Variants in TEX14 observed in about 807,000 individuals in gnomAD.
TEX14 encodes testis expressed 14, intercellular bridge forming factor, also known as inactive serine/threonine-protein kinase TEX14.
In TEX14, 168 loss-of-function variants were observed where a neutral mutation model predicts 178.6. The observed-to-expected ratio is 0.94, with a 90% CI of 0.83 to 1.07. The LOEUF is 1.07. Ranked by LOEUF, TEX14 falls within the 50% of genes least tolerant of loss-of-function variation. The probability of loss-of-function intolerance (pLI) is 0.00; values close to 1 mark genes in which losing one functional copy is unlikely to be tolerated. For missense variants in TEX14, 1,730 were observed against 1,753.6 expected, an observed-to-expected ratio of 0.99 and a Z score of 0.24; for synonymous variants, 626 against 634.1, an observed-to-expected ratio of 0.99 and a Z score of 0.19.
At chr17:58,685,617 G>A (rs942804401) in intron 1 of TEX14, among the ~76,000 whole-genome samples, 1 of 151,822 alleles carries the variant, frequency 6.6e-6, no homozygotes, top group East Asian at 1.9e-4. Context: ...AGAGGAAAAG[G>A]AAGAAGGTAA....
At chr17:58,572,234 A>G in intron 23 of TEX14, 108 bp from the exon 24 acceptor site, 1 of 691,192 alleles carries the variant, frequency 1.4e-6, no homozygotes, top group Non-Finnish European at 2.5e-6. Flanking sequence ...ATGTGCAGAA[A>G]TGAATCTTTT....
chr17:58,612,251 G>A (rs1248370780), intron 9 of TEX14, among the ~76,000 whole-genome samples: 1 of 152,166 alleles, frequency 6.6e-6, no homozygotes, highest in Non-Finnish European at 1.5e-5. Flanking sequence ...AGTCAAAGGT[G>A]TCTGTATTTT....
At chr17:58,613,653 GTTTTC>G (rs1199517356) in intron 8 of TEX14, 109 bp from the exon 9 acceptor site, 63 of 1,201,272 alleles carry the variant, frequency 5.2e-5, no homozygotes, top group African/African-American at 1.1e-4. Flanking sequence ...TGTATACGAT[GTTTTC>G]TTTTCTTTTC....
intron 19 of TEX14, among the ~76,000 whole-genome samples, chr17:58,581,201 C>T (rs2061995293): frequency 6.6e-6 from 1 of 152,006 alleles, no homozygotes; most frequent in East Asian, 1.9e-4. Context: ...ATTCCAGCTA[C>T]TCAGGAGGCT....
At chr17:58,584,412 A>AT (rs2044900974) in intron 19 of TEX14, 88 bp downstream of exon 19, 1 of 909,180 alleles carries the variant, frequency 1.1e-6, no homozygotes, top group Admixed American at 1.8e-5. Context: ...TATAGCTATT[A>AT]TTTTGGTGTC....
chr17:58,563,106 A>T (rs1317801457), intron 28 of TEX14, among the ~76,000 whole-genome samples: 2 of 151,620 alleles, frequency 1.3e-5, no homozygotes, highest in Non-Finnish European at 2.9e-5. Context: ...AATATTACTT[A>T]TTTTGACTAC....
chr17:58,593,983 C>T (rs2045219441), intron 14 of TEX14, among the ~76,000 whole-genome samples: 2 of 152,144 alleles, frequency 1.3e-5, no homozygotes, highest in Admixed American at 6.6e-5. Context: ...TACAGGCGCA[C>T]ACCACCACAC....
rs145100539 is a variant in TEX14, at chr17:58,658,162, A to G, written c.-1-6160T>C. ...AACTCAGTTCCTCGAATGCTCCACG[A>G]GACTGATTTGAGTAACAATAAAACT... On this transcript the variant is annotated intron_variant, in intron 1 of 31. Coordinates refer to ENST00000349033, the MANE Select transcript of TEX14 (RefSeq NM_031272.5). 3.4e-3 allele frequency among the ~76,000 whole-genome samples: 524 copies of G among 152,274 alleles called. 6 individuals carry two copies. Among genetic ancestry groups the G allele is most frequent in the African/African-American group, 0.012 (514 of 41,564 alleles).
At chr17:58,630,351 C>T (rs1021822164) in intron 3 of TEX14, 89 bp downstream of exon 3, 19 of 1,037,084 alleles carry the variant, frequency 1.8e-5, no homozygotes, top group East Asian at 1.0e-4. Flanking sequence ...ACACCGCACC[C>T]GGCCAAACGT....
At chr17:58,608,643 C>CA (rs1171760743) in intron 10 of TEX14, among the ~76,000 whole-genome samples, 1 of 152,198 alleles carries the variant, frequency 6.6e-6, no homozygotes, top group Non-Finnish European at 1.5e-5. Flanking sequence ...GATGAACTCC[C>CA]CATCTGGTGG....
intron 29 of TEX14, 128 bp downstream of exon 29, chr17:58,561,392 G>C (rs1460425068): frequency 2.9e-6 from 2 of 685,134 alleles, no homozygotes; most frequent in African/African-American, 3.6e-5. Flanking sequence ...GTGCAGACAG[G>C]TGGAGTCAGG....
At position 58,587,524 on chromosome 17, in the gene TEX14, T is replaced by C. The variant is rs1011535448; in HGVS notation, c.2788+57A>G. The C allele has an allele frequency of 2.8e-6, 3 of 1,085,236 alleles. No individual in the cohort carries two copies. In the African/African-American group the frequency reaches 4.8e-5, roughly 17 times the overall value. 67.2% of individuals were successfully genotyped at this position (1,085,236 alleles called of 1,614,324 possible). On this transcript the variant is annotated intron_variant, in intron 17 of 31. Transcript: ENST00000349033. ...TGTGTACTTAGAAATATCAACCACA[T>C]TAGAAATATACTTTAAATTTCATTT...
At chr17:58,691,716 T>C (rs1323678574) in intron 1 of TEX14, among the ~76,000 whole-genome samples, 1 of 147,742 alleles carries the variant, frequency 6.8e-6, no homozygotes, top group Admixed American at 6.8e-5. Flanking sequence ...AGTTACCCCC[T>C]GCTAAATAAG....
intron 2 of TEX14, among the ~76,000 whole-genome samples, chr17:58,634,477 G>A (rs1651208069): frequency 6.6e-6 from 1 of 152,118 alleles, no homozygotes; most frequent in African/African-American, 2.4e-5. Flanking sequence ...TACTAGAGGG[G>A]TTCACATGTC....
Position 58,578,193 on chromosome 17 carries a change from C to T in TEX14, c.3239-737G>A, listed in dbSNP as rs148383255. 1.4e-3 allele frequency among the ~76,000 whole-genome samples: 215 copies of T among 152,296 alleles called. 2 individuals are homozygous for T. Among genetic ancestry groups the T allele is most frequent in the African/African-American group, 5.0e-3 (207 of 41,566 alleles). ...AGAAGGCCCATCAGAACAATGCCACCTTTCACAGCTACCAAGGAGCTCTGA... is the reference window on the plus strand; with the variant it reads ...AGAAGGCCCATCAGAACAATGCCACTTTTCACAGCTACCAAGGAGCTCTGA... On this transcript the variant is annotated intron_variant, in intron 20 of 31. Transcript: ENST00000349033.
chr17:58,602,100 G>A (rs1204096081), intron 12 of TEX14, 144 bp from the exon 13 acceptor site: 1 of 838,450 alleles, frequency 1.2e-6, no homozygotes, highest in Non-Finnish European at 1.8e-6. Context: ...CTAGTTTATT[G>A]TTATTGCCAA....
chr17:58,582,447 A>C (rs2044844225), intron 19 of TEX14, among the ~76,000 whole-genome samples: 2 of 151,690 alleles, frequency 1.3e-5, no homozygotes, highest in Admixed American at 1.3e-4. Flanking sequence ...TTTAGTAGAG[A>C]GGGGTTTCAC....
intron 29 of TEX14, 105 bp downstream of exon 29, chr17:58,561,415 A>G (rs2044269848): frequency 2.5e-6 from 2 of 803,246 alleles, no homozygotes; most frequent in East Asian, 2.4e-5. Flanking sequence ...TGGCTTATCT[A>G]AATCAATGTA....
intron 9 of TEX14, 116 bp from the exon 10 acceptor site, chr17:58,611,455 A>G (rs1208582114): frequency 4.0e-6 from 3 of 750,148 alleles, no homozygotes; most frequent in African/African-American, 3.5e-5. Context: ...AAGGATCCCC[A>G]TTTTACAGAT....
Sources: gnomAD v4.1 joint callset for allele counts (sites outside exome capture counted in the v4.1 genomes callset) on GRCh38, gnomAD v4.1.1 for gene constraint, MANE v1.5 for transcripts, NCBI Gene and HGNC (gene_info 2026-07-23, HGNC 2026-07-21) for gene names.